Variants in CAST observed in about 807,000 individuals in gnomAD.
The protein encoded by CAST is calpastatin.
A neutral mutation model predicts 119.6 loss-of-function variants in CAST; 76 were observed. That is an observed-to-expected ratio of 0.64 (90% CI 0.53 to 0.77). The LOEUF (loss-of-function observed/expected upper bound fraction) is 0.77. CAST is among the 30% of genes least tolerant of loss of function. The probability of loss-of-function intolerance (pLI) is 0.00; values close to 1 mark genes in which losing one functional copy is unlikely to be tolerated. For synonymous variants in CAST, 319 were observed against 331.6 expected, an observed-to-expected ratio of 0.96 and a Z score of 0.41; for missense variants, 953 against 946.5, an observed-to-expected ratio of 1.01 and a Z score of -0.09.
the CAST span, among the ~76,000 whole-genome samples, chr5:96,418,722 T>A: frequency 6.6e-6 from 1 of 152,190 alleles, no homozygotes; most frequent in Non-Finnish European, 1.5e-5. Context: ...TCTGACAACA[T>A]GCTAGAAGGC....
At chr5:96,559,395 T>C (rs1746310772) in intron 1 of CAST, among the ~76,000 whole-genome samples, 1 of 152,008 alleles carries the variant, frequency 6.6e-6, no homozygotes, top group African/African-American at 2.4e-5. Context: ...GGGTATTCAG[T>C]TAGGAAAGGA....
At chr5:96,475,092 A>G in the CAST span, among the ~76,000 whole-genome samples, 2 of 152,166 alleles carry the variant, frequency 1.3e-5, no homozygotes, top group South Asian at 4.1e-4. Flanking sequence ...TGCCATACCT[A>G]TGGCAAAGCA....
At chr5:96,128,603 T>C in the CAST span, among the ~76,000 whole-genome samples, 1 of 152,112 alleles carries the variant, frequency 6.6e-6, no homozygotes, top group Non-Finnish European at 1.5e-5. Flanking sequence ...CAGCTGAGGT[T>C]CGCATGAGAG....
the CAST span, among the ~76,000 whole-genome samples, chr5:96,111,998 A>G: frequency 6.6e-6 from 1 of 151,134 alleles, no homozygotes; most frequent in Non-Finnish European, 1.5e-5. Flanking sequence ...TATATATTTT[A>G]TATAGTTTTT....
chr5:96,324,568 TGTG>T, the CAST span, among the ~76,000 whole-genome samples: 7 of 152,216 alleles, frequency 4.6e-5, no homozygotes, highest in Non-Finnish European at 7.3e-5. Flanking sequence ...CATTTCATCT[TGTG>T]GTAATTCTTT....
the CAST span, among the ~76,000 whole-genome samples, chr5:96,263,944 A>C: frequency 1.4e-4 from 21 of 152,194 alleles, no homozygotes; most frequent in Admixed American, 5.9e-4. Context: ...AGCATGGGAA[A>C]AACCACCCCC....
intron 1 of CAST, among the ~76,000 whole-genome samples, chr5:96,643,541 C>T (rs1192317214): frequency 6.6e-6 from 1 of 151,892 alleles, no homozygotes; most frequent in Admixed American, 6.6e-5. Flanking sequence ...AGTTCGAGAC[C>T]AGTCTGACCA....
the CAST span, among the ~76,000 whole-genome samples, chr5:96,385,338 G>A: frequency 2.0e-5 from 3 of 152,190 alleles, no homozygotes; most frequent in African/African-American, 7.2e-5. Flanking sequence ...GGTGTTCCTG[G>A]AAGCATGAGA....
At chr5:96,407,125 A>G in the CAST span, among the ~76,000 whole-genome samples, 1 of 152,198 alleles carries the variant, frequency 6.6e-6, no homozygotes, top group African/African-American at 2.4e-5. Context: ...GGTTGTGAAG[A>G]TTTTTTCTGA....
chr5:96,014,440 C>T, the CAST span, among the ~76,000 whole-genome samples: 7 of 152,100 alleles, frequency 4.6e-5, no homozygotes, highest in East Asian at 9.6e-4. Context: ...ATAGTTAATA[C>T]GTAAACAAGT....
chr5:96,490,201 C>G, the CAST span, among the ~76,000 whole-genome samples: 2 of 152,190 alleles, frequency 1.3e-5, no homozygotes, highest in Non-Finnish European at 2.9e-5. Context: ...CCTGCCTTAT[C>G]TAGGCCCACT....
chr5:96,741,663 C>A, intron 15 of CAST, 83 bp downstream of exon 15: 1 of 867,854 alleles, frequency 1.2e-6, no homozygotes, highest in East Asian at 2.5e-5. Flanking sequence ...GCACATAACC[C>A]ATGATGAGAA....
At chr5:96,446,032 A>G in the CAST span, among the ~76,000 whole-genome samples, 1 of 152,114 alleles carries the variant, frequency 6.6e-6, no homozygotes. Flanking sequence ...TATTTTTTGT[A>G]GAGACGGAGT....
intron 1 of CAST, among the ~76,000 whole-genome samples, chr5:96,649,064 T>G (rs1748059325): frequency 6.6e-6 from 1 of 152,208 alleles, no homozygotes; most frequent in Admixed American, 6.5e-5. Flanking sequence ...TTTAAAAATG[T>G]TAGCTCAAAC....
At chr5:95,966,616 C>T in the CAST span, among the ~76,000 whole-genome samples, 1 of 152,194 alleles carries the variant, frequency 6.6e-6, no homozygotes, top group African/African-American at 2.4e-5. Context: ...AGTCCCTCCT[C>T]CCTTCCAGTT....
At chr5:96,438,161 A>G in the CAST span, among the ~76,000 whole-genome samples, 61 of 152,260 alleles carry the variant, frequency 4.0e-4, no homozygotes, top group East Asian at 0.011. Context: ...TGGCACCCAG[A>G]ATAGAATATA....
At chr5:96,599,267 G>A (rs532938539) in intron 1 of CAST, among the ~76,000 whole-genome samples, 3 of 152,308 alleles carry the variant, frequency 2.0e-5, no homozygotes, top group South Asian at 4.1e-4. Context: ...AGGAGGGACT[G>A]GTGGTTAGTG....
the CAST span, among the ~76,000 whole-genome samples, chr5:96,078,828 C>T: frequency 6.6e-6 from 1 of 152,068 alleles, no homozygotes; most frequent in African/African-American, 2.4e-5. Flanking sequence ...AACAAACTAA[C>T]ACAGGAACAG....
At chr5:96,103,645 A>G in the CAST span, among the ~76,000 whole-genome samples, 4 of 151,926 alleles carry the variant, frequency 2.6e-5, no homozygotes, top group South Asian at 6.2e-4. Context: ...ATTGTGAATA[A>G]TGCCACAATA....
Sources: allele counts gnomAD v4.1 joint callset (sites outside exome capture counted in the v4.1 genomes callset), GRCh38; gene constraint gnomAD v4.1.1; transcripts MANE v1.5; gene names NCBI Gene and HGNC (gene_info 2026-07-23, HGNC 2026-07-21).